ZFP64: variants seen among roughly 807,000 people sequenced by gnomAD.
ZFP64 encodes the protein ZFP64 zinc finger protein.
In ZFP64, 14 loss-of-function variants were observed where a neutral mutation model predicts 51.6. The ratio of observed to expected loss-of-function variants is 0.27; its 90% CI spans 0.18 to 0.42. The LOEUF is 0.42. Ranked by LOEUF, ZFP64 falls within the 10% of genes least tolerant of loss-of-function variation. ZFP64 has a pLI of 1.00. For missense variants in ZFP64, 754 were observed against 906.8 expected, an observed-to-expected ratio of 0.83 and a Z score of 2.16; for synonymous variants, 375 against 361.4, an observed-to-expected ratio of 1.04 and a Z score of -0.43.
intron 5 of ZFP64, chr20:52,117,695 A>G (rs1249737624): frequency 2.2e-6 from 1 of 456,792 alleles, no homozygotes; most frequent in Admixed American, 2.3e-5. Flanking sequence ...TGAGAAGTGC[A>G]GCATGGGTGT....
chr20:52,110,444 A>C lies in ZFP64; in HGVS notation c.764-11857T>G, dbSNP rs542888280. On this transcript the variant is annotated intron_variant, in intron 5 of 8. Coordinates refer to the ZFP64 transcript ENST00000361387. ...CTTCCCGTCACTCAACTTGTTCTCA[A>C]TCAGCCTGGAGATCCATGTCATCTC... 11 of 619,300 alleles carry C rather than the reference A, an allele frequency of 1.8e-5. No individual in the cohort carries two copies. In the African/African-American group the frequency reaches 1.8e-4, roughly 10 times the overall value. The allele number at this position is 619,300 out of a possible 1,614,324, so 38.4% of individuals were successfully genotyped here.
At chr20:52,165,696 TG>T in intron 3 of ZFP64, 167 bp downstream of exon 3, 1 of 875,820 alleles carries the variant, frequency 1.1e-6, no homozygotes, top group Non-Finnish European at 1.8e-6. Flanking sequence ...CCACAGACAG[TG>T]GGAGATAGGT....
chr20:52,087,240 C>A (rs1188530356), intron 8 of ZFP64, among the ~76,000 whole-genome samples: 1 of 152,176 alleles, frequency 6.6e-6, no homozygotes, highest in East Asian at 1.9e-4. Context: ...GACTTCATTT[C>A]TCATTTGATT....
Position 52,164,696 on chromosome 20 carries a change from C to T in ZFP64, c.510G>A (p.Thr170=), listed in dbSNP as rs142701012. ...ATGCGCTAAAGAAATGCTACTTACC[C>T]GTGTGAATTTTTAAATGCCGCTCCA... ...KDMERHLKIH[T]GDKPHKCEVC... is the part of the protein sequence containing the mutation. The change falls in exon 4 of 6, where the codon ACG becomes ACA. Residue 170 remains threonine, a splice_region_variant and synonymous_variant. Coordinates refer to ENST00000216923, the MANE Select transcript of ZFP64 (RefSeq NM_018197.3). 225 of 1,613,544 alleles carry T rather than the reference C, an allele frequency of 1.4e-4. No homozygotes were observed. The East Asian group carries it at 4.5e-3, about 32-fold the overall frequency.
intron 8 of ZFP64, among the ~76,000 whole-genome samples, chr20:52,086,635 G>A (rs181211444): frequency 4.3e-4 from 66 of 151,984 alleles, no homozygotes; most frequent in Non-Finnish European, 6.5e-4. Context: ...CCGCCACCAC[G>A]CCCAGCTAAT....
intron 5 of ZFP64, among the ~76,000 whole-genome samples, chr20:52,133,666 C>T (rs1257448790): frequency 1.3e-5 from 2 of 152,174 alleles, no homozygotes. Flanking sequence ...TACGACCTGG[C>T]TTCCTGATGG....
chr20:52,164,781 A>T, intron 3 of ZFP64, 24 bp from the exon 4 acceptor site: 1 of 1,599,806 alleles, frequency 6.3e-7, no homozygotes, highest in African/African-American at 1.3e-5. Context: ...GGAAAGATTA[A>T]TTACAAAGGA....
intron 5 of ZFP64, among the ~76,000 whole-genome samples, chr20:52,142,411 CACACACAA>C (rs1464253684): frequency 1.3e-5 from 2 of 150,300 alleles, no homozygotes; most frequent in African/African-American, 5.0e-5. Flanking sequence ...CACACACACA[CACACACAA>C]ATTGCTTAAT....
In ZFP64 at chr20:52,151,558, G is replaced by A. The variant is rs989624881; in HGVS notation, c.*588C>T. On this transcript the variant is annotated 3_prime_UTR_variant, in exon 6 of 6. Transcript: ENST00000216923. ...AAAATCAAGTTGGAAACAAACACAT[G>A]AATTCACTACTTAATGCATTTAATT... The A allele has an allele frequency of 5.1e-6, 5 of 985,510 alleles. No homozygotes were observed. The highest frequency in any genetic ancestry group is 5.2e-4 in the Middle Eastern group (1 of 1,936). 61.0% of individuals were successfully genotyped at this position (985,510 alleles called of 1,614,324 possible).
chr20:52,175,991 G>A (rs974498648), intron 2 of ZFP64: 4 of 985,324 alleles, frequency 4.1e-6, no homozygotes, highest in Non-Finnish European at 4.8e-6. Context: ...TCCCTCCCCA[G>A]GGGTGAGTGG....
chr20:52,180,759 G>A (rs1983557784), intron 2 of ZFP64, among the ~76,000 whole-genome samples: 1 of 152,054 alleles, frequency 6.6e-6, no homozygotes, highest in African/African-American at 2.4e-5. Flanking sequence ...CATCAGAGAT[G>A]AGTTCTATCA....
chr20:52,188,065 G>C (rs1984100077), intron 1 of ZFP64, among the ~76,000 whole-genome samples: 1 of 152,178 alleles, frequency 6.6e-6, no homozygotes, highest in Non-Finnish European at 1.5e-5. Context: ...GATGTGGCTA[G>C]CAATGTGCCC....
rs1230111962 is a variant in ZFP64 at position 52,145,039 on chromosome 20, G to C, written c.763+15084C>G. 2.0e-5 allele frequency among the ~76,000 whole-genome samples: 3 copies of C among 152,174 alleles called. No homozygotes were observed. The East Asian group carries it at 5.8e-4, about 29-fold the overall frequency. ...AACAGAACAGATAATTTCTGAGATA[G>C]TCAAACTATTTCAGGTCACCGAAAA... On this transcript the variant is annotated intron_variant, in intron 5 of 8. Transcript: ENST00000361387.
intron 5 of ZFP64, among the ~76,000 whole-genome samples, chr20:52,142,860 C>CAAAAAAAAA (rs1568674174): frequency 2.4e-5 from 2 of 84,950 alleles, no homozygotes. Flanking sequence ...AAAAAAAAAG[C>CAAAAAAAAA]AAAAAAGAGG....
At chr20:52,157,673 T>G (rs1341417764) in intron 5 of ZFP64, among the ~76,000 whole-genome samples, 3 of 152,214 alleles carry the variant, frequency 2.0e-5, no homozygotes, top group Non-Finnish European at 4.4e-5. Context: ...CTACTTTCTT[T>G]CTTTTTTAAA....
intron 5 of ZFP64, among the ~76,000 whole-genome samples, chr20:52,112,739 C>T (rs111825623): frequency 1.3e-5 from 2 of 151,894 alleles, no homozygotes; most frequent in East Asian, 1.9e-4. Flanking sequence ...CTTAGCCTCC[C>T]GAGTGGCTGG....
chr20:52,099,115 G>T (rs755372019), intron 5 of ZFP64, among the ~76,000 whole-genome samples: 1 of 151,938 alleles, frequency 6.6e-6, no homozygotes, highest in Non-Finnish European at 1.5e-5. Flanking sequence ...ACATAACAGG[G>T]AAACTGGCAA....
exon 9 of ZFP64, chr20:52,084,351 G>A (rs916154522): frequency 5.2e-6 from 3 of 574,346 alleles, no homozygotes; most frequent in African/African-American, 3.7e-5. Flanking sequence ...GGAGGGAAGA[G>A]ACAAATGCGA....
intron 2 of ZFP64, among the ~76,000 whole-genome samples, chr20:52,180,145 C>T (rs1983509796): frequency 6.6e-6 from 1 of 152,218 alleles, no homozygotes; most frequent in South Asian, 2.1e-4. Flanking sequence ...AACAGCATGG[C>T]CTACCTGTGG....
Sources: allele counts gnomAD v4.1 joint callset (sites outside exome capture counted in the v4.1 genomes callset), GRCh38; gene constraint gnomAD v4.1.1; transcripts MANE v1.5; gene names NCBI Gene and HGNC (gene_info 2026-07-23, HGNC 2026-07-21).